RAD23A: variants seen among roughly 807,000 people sequenced by gnomAD.
The protein encoded by RAD23A is RAD23 nucleotide excision repair protein A, also known as lysine-specific demethylase RAD23A.
A neutral mutation model predicts 44.8 loss-of-function variants in RAD23A; 16 were observed. The ratio of observed to expected loss-of-function variants is 0.36; its 90% confidence interval spans 0.24 to 0.54. The LOEUF is 0.54. Ranked by LOEUF, RAD23A falls within the 20% of genes least tolerant of loss-of-function variation. RAD23A has a pLI of 0.89. For missense variants in RAD23A, 380 were observed against 483.3 expected, an observed-to-expected ratio of 0.79 and a Z score of 2.00; for synonymous variants, 217 against 202.9, an observed-to-expected ratio of 1.07 and a Z score of -0.59.
At chr19:12,946,074 T>TGGG in intron 1 of RAD23A, 54 bp downstream of exon 1, 1 of 131,764 alleles carries the variant, frequency 7.6e-6, no homozygotes, top group South Asian at 6.7e-5. Flanking sequence ...GGGGGTGGGG[T>TGGG]GGGGGCGGGG....
At chr19:12,947,362 G>A (rs965181390) in intron 1 of RAD23A, among the ~76,000 whole-genome samples, 7 of 152,220 alleles carry the variant, frequency 4.6e-5, no homozygotes, top group Non-Finnish European at 1.0e-4. Flanking sequence ...GGAGTTTGAG[G>A]CTGCAGTCAG....
intron 7 of RAD23A, chr19:12,949,721 C>T: frequency 2.2e-6 from 1 of 453,886 alleles, no homozygotes; most frequent in Non-Finnish European, 4.0e-6. Flanking sequence ...GGGGTGGGGT[C>T]CTGGGCTGGG....
Position 12,947,974 on chromosome 19 carries a change from G to A in RAD23A, c.199G>A (p.Asp67Asn), listed in dbSNP as rs751071968. Residue 67 changes from aspartate (D) to asparagine (N), a missense_variant, in exon 2 of 9, where the codon GAT (aspartate) becomes AAT (asparagine). Asp to Asn is a conservative substitution (Grantham distance 23, BLOSUM62 1). Around this residue, in one of 3 missense-constraint regions of RAD23A, gnomAD observed 70 missense variants for 106.0 expected, o/e 0.66. Coordinates refer to ENST00000586534, the MANE Select transcript of RAD23A (RefSeq NM_005053.4). The stretch of plus-strand genomic sequence containing the variant: ...TGTCCCTATCAGGGACTATCGCATC[G>A]ATGAGAAGAACTTTGTGGTCGTCAT... ...DDVPIRDYRI[D>N]EKNFVVVMVT... The A allele has an allele frequency of 3.7e-6, 6 of 1,613,908 alleles. No homozygotes were observed. The South Asian group carries it at 6.6e-5, about 18-fold the overall frequency.
chr19:12,947,562 C>T (rs1000184497), intron 1 of RAD23A, among the ~76,000 whole-genome samples: 3 of 152,196 alleles, frequency 2.0e-5, no homozygotes, highest in Non-Finnish European at 2.9e-5. Context: ...TTAGTGTTCT[C>T]TCATTGAGAG....
At chr19:12,946,700 T>C (rs905618751) in intron 1 of RAD23A, among the ~76,000 whole-genome samples, 4 of 152,204 alleles carry the variant, frequency 2.6e-5, no homozygotes, top group Admixed American at 6.5e-5. Flanking sequence ...ACGATATAAA[T>C]ATTATGCTGC....
At chr19:12,951,450 GT>G (rs1399999496) in intron 7 of RAD23A, among the ~76,000 whole-genome samples, 1 of 151,550 alleles carries the variant, frequency 6.6e-6, no homozygotes, top group Non-Finnish European at 1.5e-5. Flanking sequence ...TGTTGTTGTT[GT>G]TTGTTTGTTT....
chr19:12,951,050 TGA>T (rs1474517642), intron 7 of RAD23A, among the ~76,000 whole-genome samples: 1 of 151,846 alleles, frequency 6.6e-6, no homozygotes, highest in Non-Finnish European at 1.5e-5. Context: ...GGTGACAGAG[TGA>T]GAGTGTCTCA....
intron 7 of RAD23A, among the ~76,000 whole-genome samples, chr19:12,950,165 A>C (rs1255392396): frequency 6.6e-6 from 1 of 152,230 alleles, no homozygotes; most frequent in East Asian, 1.9e-4. Flanking sequence ...TCCCTAGACT[A>C]GACGTCTAAG....
rs1176487125 is a variant in RAD23A at position 12,953,397 on chromosome 19, G to A, written c.*348G>A. 1.8e-5 allele frequency: 3 copies of A among 169,846 alleles called. No individual in the cohort carries two copies. Among genetic ancestry groups the A allele is most frequent in the Non-Finnish European group, 3.7e-5 (3 of 80,634 alleles). The allele number at this position is 169,846 out of a possible 1,614,324, so 10.5% of individuals were successfully genotyped here. ...TCTCCATCCTCCGAAAAACCCCTGA[G>A]GACCCCCCCCCATCCTCTTCTAGGA... On this transcript the variant is annotated 3_prime_UTR_variant, in exon 9 of 9. Transcript: ENST00000586534.
Position 12,945,889 on chromosome 19 carries a change from G to C in RAD23A, c.-60G>C. Reference sequence around the variant, plus strand: ...GGCGCGCCTGGGCGCTAAGATGGCGGCGGCGTGAGTTGCATGTTGTGTGAG... The same window carrying C: ...GGCGCGCCTGGGCGCTAAGATGGCGCCGGCGTGAGTTGCATGTTGTGTGAG... On this transcript the variant is annotated 5_prime_UTR_variant, in exon 1 of 9. Transcript: ENST00000586534. 1 of 1,559,768 alleles carries C rather than the reference G, an allele frequency of 6.4e-7. No homozygotes were observed. The highest frequency in any genetic ancestry group is 1.1e-5 in the South Asian group (1 of 89,612).
chr19:12,952,427 A>C (rs1050215126), intron 7 of RAD23A: 1 of 388,856 alleles, frequency 2.6e-6, no homozygotes, highest in Non-Finnish European at 4.7e-6. Flanking sequence ...CCTGACCTCA[A>C]GTGATCCACC....
intron 7 of RAD23A, among the ~76,000 whole-genome samples, chr19:12,950,341 C>G (rs771752302): frequency 1.8e-4 from 27 of 152,192 alleles, no homozygotes; most frequent in Non-Finnish European, 3.2e-4. Context: ...CTTCCTGGGC[C>G]TCTGCCACTG....
In RAD23A at chr19:12,949,297, C is replaced by T; in HGVS notation, c.702C>T (p.Phe234=). The stretch of plus-strand genomic sequence containing the variant: ...CAGCAGGAGAGAACCCCCTGGAGTT[C>T]CTGCGGGACCAGCCCCAGTTCCAGA... ...TEAAGENPLE[F]LRDQPQFQNM... The change falls in exon 7 of 9, where the codon TTC becomes TTT. Residue 234 remains phenylalanine, a synonymous_variant. Coordinates refer to ENST00000586534, the MANE Select transcript of RAD23A (RefSeq NM_005053.4). 1.2e-6 allele frequency: 2 copies of T among 1,614,142 alleles called. No homozygotes were observed. The highest frequency in any genetic ancestry group is 2.2e-5 in the South Asian group (2 of 91,088).
chr19:12,948,070 T>C lies in RAD23A; in HGVS notation c.234+61T>C. 2 of 1,607,778 alleles carry C rather than the reference T, an allele frequency of 1.2e-6. No homozygotes were observed. Among genetic ancestry groups the C allele is most frequent in the Non-Finnish European group, 1.7e-6 (2 of 1,176,626 alleles). The stretch of plus-strand genomic sequence containing the variant: ...CGAGCTGGGGAGCTGGCAAAGAGCC[T>C]GTGTGCCCAGGAGAGATTAGCTGTG... On this transcript the variant is annotated intron_variant, in intron 2 of 8. Coordinates refer to ENST00000586534, the MANE Select transcript of RAD23A (RefSeq NM_005053.4). This position sits in a 1 kb window ranked among gnomAD's most constrained non-coding sequence, Gnocchi z 5.5.
chr19:12,952,742 G>A lies in RAD23A; in HGVS notation c.867G>A (p.Gly289=), dbSNP rs1971849438. The change falls in exon 8 of 9, where the codon GGG becomes GGA. Residue 289 remains glycine, a synonymous_variant. Transcript: ENST00000586534. ...QFIQMLNEPP[G]ELADISDVEG... Reference sequence around the variant, plus strand: ...TCCAGATGCTGAACGAGCCCCCTGGGGAGCTGGCGGACATCTCAGATGTGG... The same window carrying A: ...TCCAGATGCTGAACGAGCCCCCTGGAGAGCTGGCGGACATCTCAGATGTGG... The A allele has an allele frequency of 6.2e-7, 1 of 1,613,068 alleles. No homozygotes were observed. The highest frequency in any genetic ancestry group is 1.7e-5 in the Admixed American group (1 of 59,974).
rs766788097 is a variant in RAD23A at position 12,953,044 on chromosome 19, G to A, written c.1087G>A (p.Glu363Lys). Residue 363 changes from glutamate (E) to lysine (K), a missense_variant, in exon 9 of 9, where the codon GAG becomes AAG. Physicochemically the swap from Glu to Lys is moderately conservative, Grantham distance 56. This residue lies in a region of RAD23A where 31 missense variants were observed against 63.6 expected (regional missense o/e 0.49). Coordinates refer to ENST00000586534, the MANE Select transcript of RAD23A (RefSeq NM_005053.4). ...NFLLSQNFDD[E>K] ...CCTCCTGAGTCAGAACTTTGATGAC[G>A]AGTGATGCCAGGAAGCCAGGCCACC... 30 of 1,613,548 alleles carry A rather than the reference G, an allele frequency of 1.9e-5. No individual in the cohort carries two copies. Among genetic ancestry groups the A allele is most frequent in the Non-Finnish European group, 2.3e-5 (27 of 1,179,806 alleles).
Position 12,948,240 on chromosome 19 carries a change from T to C in RAD23A, c.298T>C (p.Ser100Pro). 6.2e-7 allele frequency: 1 copy of C among 1,613,994 alleles called. No individual in the cohort carries two copies. Among genetic ancestry groups the C allele is most frequent in the African/African-American group, 1.3e-5 (1 of 75,004 alleles). The change falls in exon 3 of 9, where the codon TCT becomes CCT. Residue 100 changes from serine (S) to proline (P), a missense_variant. Transcript: ENST00000586534. This position sits in a 1 kb window ranked among gnomAD's most constrained non-coding sequence, Gnocchi z 5.5. ...CTCACCCACAGCTGCCCCAGAGTCCTCTACATCCTTCCCGCCTGCCCCCAC... is the reference window on the plus strand; with the variant it reads ...CTCACCCACAGCTGCCCCAGAGTCCCCTACATCCTTCCCGCCTGCCCCCAC... ...EASPTAAPES[S>P]TSFPPAPTSG...
At chr19:12,950,111 T>A (rs1373431278) in intron 7 of RAD23A, among the ~76,000 whole-genome samples, 1 of 152,170 alleles carries the variant, frequency 6.6e-6, no homozygotes, top group African/African-American at 2.4e-5. Context: ...CCTCTCTGAA[T>A]GCCACACTCC....
chr19:12,947,313 G>C (rs371245386), intron 1 of RAD23A, among the ~76,000 whole-genome samples: 9 of 152,266 alleles, frequency 5.9e-5, no homozygotes, highest in African/African-American at 2.2e-4. Context: ...TTTAGTCCTA[G>C]CTACTCCCAA....
Sources: allele counts gnomAD v4.1 joint callset (sites outside exome capture counted in the v4.1 genomes callset), GRCh38; gene constraint gnomAD v4.1.1; regional missense constraint gnomAD v4.1.1; non-coding constraint Gnocchi (gnomAD v3.1); transcripts MANE v1.5; gene names NCBI Gene and HGNC (gene_info 2026-07-23, HGNC 2026-07-21).